Variants in TMEM63A observed in about 807,000 individuals in gnomAD.
TMEM63A encodes the protein mechanosensitive cation channel TMEM63A.
In TMEM63A, 76 loss-of-function variants were observed where a neutral mutation model predicts 100.6. That is an observed-to-expected ratio of 0.76 (90% CI 0.63 to 0.91). TMEM63A has a LOEUF of 0.91. TMEM63A is among the 40% of genes least tolerant of loss of function. TMEM63A has a pLI of 0.00. For synonymous variants in TMEM63A, 401 were observed against 401.1 expected (o/e 1.00, Z 0.00); for missense variants, 876 against 1,008.8 (o/e 0.87, Z 1.78).
At chr1:225,851,809 G>C (rs1285793506) in intron 20 of TMEM63A, among the ~76,000 whole-genome samples, 1 of 152,224 alleles carries the variant, frequency 6.6e-6, no homozygotes, top group East Asian at 1.9e-4. Flanking sequence ...CAGTCTCTTG[G>C]GTTTTTTGTT....
intron 20 of TMEM63A, among the ~76,000 whole-genome samples, chr1:225,851,365 GTTTT>G (rs1045943234): frequency 6.6e-6 from 1 of 152,040 alleles, no homozygotes; most frequent in Non-Finnish European, 1.5e-5. Flanking sequence ...AGGTTCTTTT[GTTTT>G]TTTATTTTTT....
downstream of TMEM63A, chr1:225,845,504 A>C: frequency 1.4e-6 from 1 of 696,376 alleles, no homozygotes; most frequent in Non-Finnish European, 2.4e-6. Flanking sequence ...CTCACTCCCC[A>C]ACCCCCAACT....
chr1:225,877,379 T>G lies in TMEM63A; in HGVS notation c.186+16A>C, dbSNP rs1294205598. Reference sequence around the variant, plus strand: ...AATAACTGAGGCAGTGGGACACGACTCATGAGGGCTCTCACCAGGAAGCAG... The same window carrying G: ...AATAACTGAGGCAGTGGGACACGACGCATGAGGGCTCTCACCAGGAAGCAG... On this transcript the variant is annotated intron_variant, in intron 3 of 24. Transcript: ENST00000366835. 1 of 1,604,294 alleles carries G rather than the reference T, an allele frequency of 6.2e-7. No homozygotes were observed. The highest frequency in any genetic ancestry group is 8.5e-7 in the Non-Finnish European group (1 of 1,172,386).
chr1:225,862,096 A>G lies in TMEM63A; in HGVS notation c.1085+122T>C. On this transcript the variant is annotated intron_variant, in intron 13 of 24. Transcript: ENST00000366835. This position sits in a 1 kb window ranked among gnomAD's most constrained non-coding sequence, Gnocchi z 5.1. ...GGTAGCTGAGGGAGGAGAAGGAAAC[A>G]CCACAGATAAATCCCAGGGATGGTG... The G allele has an allele frequency of 7.0e-7, 1 of 1,423,054 alleles. No individual in the cohort carries two copies. The highest frequency in any genetic ancestry group is 9.5e-7 in the Non-Finnish European group (1 of 1,054,614). 88.2% of individuals were successfully genotyped at this position (1,423,054 alleles called of 1,614,324 possible). A position where few individuals can be genotyped will look rare whatever the true frequency, so the allele number is the denominator to read the frequency against.
intron 17 of TMEM63A, among the ~76,000 whole-genome samples, 188 bp downstream of exon 17, chr1:225,856,461 AAAG>A (rs1028030525): frequency 4.1e-5 from 6 of 148,000 alleles, no homozygotes; most frequent in Admixed American, 6.9e-5. Flanking sequence ...TTTCTTTTTT[AAAG>A]AAGAACAATC....
chr1:225,858,316 TTG>T (rs757561550), intron 15 of TMEM63A, among the ~76,000 whole-genome samples: 2,380 of 77,614 alleles, frequency 0.031, 104 homozygotes, highest in East Asian at 0.058. Flanking sequence ...ACAGAATAGT[TTG>T]TTTTTTTTTT....
chr1:225,854,483 G>A (rs1266571942), intron 18 of TMEM63A, among the ~76,000 whole-genome samples: 1 of 152,214 alleles, frequency 6.6e-6, no homozygotes, highest in East Asian at 1.9e-4. Context: ...GGTAGGCTGG[G>A]TATGGCATGG....
At position 225,847,107 on chromosome 1, in the gene TMEM63A, G is replaced by T; in HGVS notation, c.2357C>A (p.Thr786Asn). 6.2e-7 allele frequency: 1 copy of T among 1,613,918 alleles called. No homozygotes were observed. The highest frequency in any genetic ancestry group is 8.5e-7 in the Non-Finnish European group (1 of 1,180,038). The change falls in exon 24 of 25, where the codon ACT becomes AAT. Residue 786 changes from threonine (T) to asparagine (N), a missense_variant. By Grantham distance (65) the Thr-to-Asn change is moderately conservative (BLOSUM62 0). Around this residue, in one of 5 missense-constraint regions of TMEM63A, gnomAD observed 339 missense variants for 342.3 expected, o/e 0.99. Coordinates refer to ENST00000366835, the MANE Select transcript of TMEM63A (RefSeq NM_014698.3). ...TYGAIHNISGTIPGQCLAQSA... is the reference protein window; with the variant it reads ...TYGAIHNISGNIPGQCLAQSA... ...CTGCGCCAAGCACTGTCCAGGGATAGTCCCGCTGATGTTGTGGATGGCACC... is the reference window on the plus strand; with the variant it reads ...CTGCGCCAAGCACTGTCCAGGGATATTCCCGCTGATGTTGTGGATGGCACC...
chr1:225,870,773 T>C (rs571958761), intron 6 of TMEM63A, among the ~76,000 whole-genome samples: 2 of 152,262 alleles, frequency 1.3e-5, no homozygotes, highest in African/African-American at 4.8e-5. Context: ...ATAAAGTTCA[T>C]CTCTATCTTC....
chr1:225,879,065 C>T (rs576061044), intron 2 of TMEM63A, among the ~76,000 whole-genome samples, 155 bp downstream of exon 2: 5 of 152,258 alleles, frequency 3.3e-5, no homozygotes, highest in African/African-American at 1.2e-4. Flanking sequence ...CATGGGGCTG[C>T]TGACTCTGAA....
chr1:225,872,689 C>CTTT (rs67884791), intron 4 of TMEM63A, among the ~76,000 whole-genome samples: 34 of 87,046 alleles, frequency 3.9e-4, no homozygotes, highest in Non-Finnish European at 5.6e-4. Flanking sequence ...TGCTTTTCTT[C>CTTT]TTTTTTTTTT....
At position 225,877,566 on chromosome 1, in the gene TMEM63A, C is replaced by T. The variant is rs114152043; in HGVS notation, c.15G>A (p.Pro5=). 310 of 1,613,548 alleles carry T rather than the reference C, an allele frequency of 1.9e-4. 1 individual carries two copies. In the African/African-American group the frequency reaches 3.5e-3, roughly 18 times the overall value. MMDS[P]FLELWQSKAV... ...CCTTGGACTGCCACAGCTCCAGGAA[C>T]GGGGAGTCCATCATCGCGCCTGTCT... The change falls in exon 3 of 25, where the codon CCG becomes CCA. Residue 5 remains proline, a synonymous_variant. Coordinates refer to ENST00000366835, the MANE Select transcript of TMEM63A (RefSeq NM_014698.3).
rs1241960394 is a variant in TMEM63A, at chr1:225,860,958, A to G, written c.1125T>C (p.Leu375=). The change falls in exon 14 of 25, where the codon CTT becomes CTC. Residue 375 remains leucine (L), a synonymous_variant. Transcript: ENST00000366835. The stretch of plus-strand genomic sequence containing the variant: ...ACGGCTGGGGCTCACCTTTGCACTG[A>G]AGGCTCTGACACTTGCAGGCATTGA... ...KDFNACKCQS[L]QCKGEPQPSS... 6.2e-7 allele frequency: 1 copy of G among 1,612,428 alleles called. No homozygotes were observed. The highest frequency in any genetic ancestry group is 8.5e-7 in the Non-Finnish European group (1 of 1,179,276).
At chr1:225,843,754 C>T (rs2102784630), downstream of TMEM63A, among the ~76,000 whole-genome samples, 1 of 152,334 alleles carries the variant, frequency 6.6e-6, no homozygotes, top group South Asian at 2.1e-4. Context: ...TTTCAAGCTG[C>T]GGGCAGAGCT....
chr1:225,850,798 G>A (rs1049601040), intron 20 of TMEM63A, among the ~76,000 whole-genome samples: 5 of 152,214 alleles, frequency 3.3e-5, no homozygotes, highest in South Asian at 2.1e-4. Context: ...TGCAAGCTCC[G>A]CCTCCTGGGT....
Position 225,866,641 on chromosome 1 carries a change from T to C in TMEM63A, c.608A>G (p.Tyr203Cys), listed in dbSNP as rs1243897177. ...LWLHTIFAVI[Y>C]LFLTVGFMRH... is the part of the protein sequence containing the mutation. ...CATGAAACCCACAGTGAGGAAGAGG[T>C]AAATGACAGCAAAGATGGTGTGCAG... Residue 203 changes from tyrosine (Y) to cysteine (C), a missense_variant, in exon 9 of 25, where the codon TAC becomes TGC. Physicochemically the swap from Tyr to Cys is radical, Grantham distance 194. This residue lies in a region of TMEM63A where 487 missense variants were observed against 581.9 expected (regional missense o/e 0.84). Coordinates refer to ENST00000366835, the MANE Select transcript of TMEM63A (RefSeq NM_014698.3). 1.2e-6 allele frequency: 2 copies of C among 1,613,912 alleles called. No homozygotes were observed. The highest frequency in any genetic ancestry group is 4.5e-5 in the East Asian group (2 of 44,860).
At chr1:225,876,063 CAAAAAAAAAAAAAAAA>C (rs532420561) in intron 3 of TMEM63A, among the ~76,000 whole-genome samples, 46 of 32,916 alleles carry the variant, frequency 1.4e-3, no homozygotes, top group East Asian at 3.8e-3. Flanking sequence ...GACCTTGTCT[CAAAAAAAAAAAAAAAA>C]AAAAAAAAAA....
chr1:225,857,098 C>A lies in TMEM63A; in HGVS notation c.1378-81G>T. On this transcript the variant is annotated intron_variant, in intron 15 of 24. Coordinates refer to ENST00000366835, the MANE Select transcript of TMEM63A (RefSeq NM_014698.3). ...TGAGGCCATGACCTATTGGTATGGT[C>A]GCTCAGTGGACTCCCAGGGTAGGAG... 4 of 1,201,038 alleles carry A rather than the reference C, an allele frequency of 3.3e-6. No homozygotes were observed. The South Asian group carries it at 7.3e-5, about 22-fold the overall frequency. 74.4% of individuals were successfully genotyped at this position (1,201,038 alleles called of 1,614,324 possible). A position where few individuals can be genotyped will look rare whatever the true frequency, so the allele number is the denominator to read the frequency against.
intron 4 of TMEM63A, among the ~76,000 whole-genome samples, chr1:225,872,669 T>C (rs1178742538): frequency 6.6e-6 from 1 of 150,376 alleles, no homozygotes; most frequent in Admixed American, 6.7e-5. Context: ...TTGCAATACG[T>C]ATATGTGACT....
Sources: gnomAD v4.1 joint callset for allele counts (sites outside exome capture counted in the v4.1 genomes callset) on GRCh38, gnomAD v4.1.1 for gene constraint, gnomAD v4.1.1 regional missense constraint, Gnocchi (gnomAD v3.1) non-coding constraint, MANE v1.5 for transcripts, NCBI Gene and HGNC (gene_info 2026-07-23, HGNC 2026-07-21) for gene names.